The following BCAS1 variants were observed in gnomAD, a reference collection of about 807,000 sequenced individuals.
BCAS1 encodes the protein brain enriched myelin associated protein 1.
Under a neutral mutation model 65.4 loss-of-function variants are expected in BCAS1, and 46 were observed. That is an observed-to-expected ratio of 0.70 (90% CI 0.55 to 0.90). BCAS1 has a LOEUF of 0.90. Ranked by LOEUF, BCAS1 falls within the 40% of genes least tolerant of loss-of-function variation. BCAS1 has a pLI of 0.00. For synonymous variants in BCAS1, 298 were observed against 293.5 expected (o/e 1.02, Z -0.16); for missense variants, 793 against 771.2 (o/e 1.03, Z -0.33).
intron 1 of BCAS1, among the ~76,000 whole-genome samples, chr20:54,066,357 C>T (rs1361830746): frequency 1.3e-5 from 2 of 152,192 alleles, no homozygotes; most frequent in Admixed American, 6.5e-5. Context: ...CAGGCGTGAG[C>T]CACCGGGCCC....
At chr20:53,993,918 G>A (rs1004378773) in intron 6 of BCAS1, among the ~76,000 whole-genome samples, 2 of 152,120 alleles carry the variant, frequency 1.3e-5, no homozygotes, top group Non-Finnish European at 2.9e-5. Flanking sequence ...AATAGGGATC[G>A]CTACATTTAA....
chr20:53,991,047 C>T (rs2090745886), intron 7 of BCAS1, among the ~76,000 whole-genome samples: 1 of 152,182 alleles, frequency 6.6e-6, no homozygotes, highest in Non-Finnish European at 1.5e-5. Flanking sequence ...GCAAGAGATA[C>T]TGCAGACGTA....
At chr20:54,007,019 G>A (rs1268682967) in intron 4 of BCAS1, among the ~76,000 whole-genome samples, 3 of 152,198 alleles carry the variant, frequency 2.0e-5, no homozygotes, top group Non-Finnish European at 4.4e-5. Flanking sequence ...TGGGCTGCTG[G>A]CTACTTAGAC....
At chr20:54,047,107 G>A (rs1376699750) in intron 3 of BCAS1, among the ~76,000 whole-genome samples, 4 of 152,110 alleles carry the variant, frequency 2.6e-5, no homozygotes, top group African/African-American at 7.2e-5. Flanking sequence ...TGGAATATTT[G>A]GGAACTGGCT....
chr20:53,959,032 T>C (rs2089789555), intron 10 of BCAS1, among the ~76,000 whole-genome samples: 3 of 152,210 alleles, frequency 2.0e-5, no homozygotes, highest in East Asian at 1.9e-4. Flanking sequence ...CAAACTCAAA[T>C]GTGGATGTTT....
At chr20:54,002,892 T>C (rs1176194521) in intron 4 of BCAS1, among the ~76,000 whole-genome samples, 1 of 152,218 alleles carries the variant, frequency 6.6e-6, no homozygotes, top group Non-Finnish European at 1.5e-5. Context: ...CCCATCATAC[T>C]GAATCATAAT....
intron 9 of BCAS1, among the ~76,000 whole-genome samples, chr20:53,972,520 A>G (rs573898442): frequency 7.9e-5 from 12 of 152,264 alleles, no homozygotes; most frequent in Non-Finnish European, 1.6e-4. Flanking sequence ...TTGCCTAGCA[A>G]CAAAGCAGCC....
intron 1 of BCAS1, among the ~76,000 whole-genome samples, chr20:54,066,077 C>T (rs563987357): frequency 0.033 from 3,870 of 116,486 alleles, 104 homozygotes; most frequent in East Asian, 0.067. Context: ...TATTTTTTTT[C>T]TTTTTTTTTT....
chr20:53,979,277 A>G (rs948063993), intron 8 of BCAS1, among the ~76,000 whole-genome samples: 8 of 152,200 alleles, frequency 5.3e-5, no homozygotes, highest in East Asian at 3.9e-4. Flanking sequence ...ACCAGGAGCA[A>G]TAAGAACTCC....
intron 10 of BCAS1, among the ~76,000 whole-genome samples, chr20:53,960,469 TAAAAAAAAAAAAAA>T (rs11467629): frequency 1.6e-5 from 1 of 63,090 alleles, no homozygotes; most frequent in Non-Finnish European, 2.9e-5. Flanking sequence ...TTCAACTTCT[TAAAAAAAAAAAAAA>T]AAAAAAAAAA....
rs1349917406 is a variant in BCAS1 at position 54,038,071 on chromosome 20, G to A, written c.143-9099C>T. ...AAACAAAATCCAAACTCTCTACTAT[G>A]GGCCACACCCTCCAGAACTTCAGCT... On this transcript the variant is annotated intron_variant, in intron 3 of 12. Coordinates refer to ENST00000688948, the MANE Select transcript of BCAS1 (RefSeq NM_001366298.2). Among the ~76,000 whole-genome samples the A allele has an allele frequency of 1.3e-5, 2 of 151,296 alleles. 1 individual carries two copies. The highest frequency in any genetic ancestry group is 3.9e-4 in the East Asian group (2 of 5,184).
At chr20:54,051,374 C>T (rs1323775557) in intron 3 of BCAS1, among the ~76,000 whole-genome samples, 1 of 152,160 alleles carries the variant, frequency 6.6e-6, no homozygotes, top group African/African-American at 2.4e-5. Context: ...TTGAAGTTGT[C>T]TGATTCAATG....
intron 8 of BCAS1, among the ~76,000 whole-genome samples, chr20:53,984,453 C>T (rs2090561637): frequency 1.3e-5 from 2 of 152,166 alleles, no homozygotes; most frequent in Non-Finnish European, 2.9e-5. Flanking sequence ...TTCTGGACGA[C>T]GGAGTAAAGC....
chr20:54,040,418 G>A (rs2091969786), intron 3 of BCAS1, among the ~76,000 whole-genome samples: 1 of 151,116 alleles, frequency 6.6e-6, no homozygotes, highest in Admixed American at 6.6e-5. Context: ...TGTGGGGCAG[G>A]TTGAGTTCAG....
chr20:53,948,868 G>A (rs748451909), intron 12 of BCAS1, among the ~76,000 whole-genome samples: 2 of 152,104 alleles, frequency 1.3e-5, no homozygotes, highest in Admixed American at 6.5e-5. Context: ...TGTTGTCCCC[G>A]GCTCTCTTCT....
chr20:53,948,537 C>T (rs1228302585), intron 12 of BCAS1, among the ~76,000 whole-genome samples: 2 of 152,194 alleles, frequency 1.3e-5, no homozygotes, highest in Non-Finnish European at 2.9e-5. Flanking sequence ...ACCTGCCCTT[C>T]AGGTAGCCAC....
At chr20:54,058,589 A>G in intron 2 of BCAS1, 58 bp downstream of exon 2, 1 of 1,440,140 alleles carries the variant, frequency 6.9e-7, no homozygotes, top group Non-Finnish European at 9.3e-7. Context: ...AAATACAGGA[A>G]GTTCTTTTTT....
Position 54,067,867 on chromosome 20 carries a change from C to T in BCAS1, c.-6+2566G>A, listed in dbSNP as rs144819122. 9.4e-3 allele frequency among the ~76,000 whole-genome samples: 1,435 copies of T among 152,352 alleles called. 10 individuals are homozygous for T. The highest frequency in any genetic ancestry group is 0.019 in the South Asian group (90 of 4,832). On this transcript the variant is annotated intron_variant, in intron 1 of 12. Coordinates refer to ENST00000688948, the MANE Select transcript of BCAS1 (RefSeq NM_001366298.2). ...GGAATGTAGGTAACCCAGGGGCCCTCCTCACTGCTCAGCTGAGGGTGACGC... is the reference window on the plus strand; with the variant it reads ...GGAATGTAGGTAACCCAGGGGCCCTTCTCACTGCTCAGCTGAGGGTGACGC...
Position 53,992,458 on chromosome 20 carries a change from G to A in BCAS1, c.1062+54C>T, listed in dbSNP as rs1053829105. 1.5e-5 allele frequency: 20 copies of A among 1,350,746 alleles called. No individual in the cohort carries two copies. The Middle Eastern group carries it at 7.7e-4, about 52-fold the overall frequency. 83.7% of individuals were successfully genotyped at this position (1,350,746 alleles called of 1,614,324 possible). A position where few individuals can be genotyped will look rare whatever the true frequency, so the allele number is the denominator to read the frequency against. ...GCTGGGTGGGCTCAGGATGGCACATGTCTTGTGAAGACCAGAGTTCTTGTT... is the reference window on the plus strand; with the variant it reads ...GCTGGGTGGGCTCAGGATGGCACATATCTTGTGAAGACCAGAGTTCTTGTT... On this transcript the variant is annotated intron_variant, in intron 7 of 12. Transcript: ENST00000688948.
Sources: allele counts gnomAD v4.1 joint callset (sites outside exome capture counted in the v4.1 genomes callset), GRCh38; gene constraint gnomAD v4.1.1; transcripts MANE v1.5; gene names NCBI Gene and HGNC (gene_info 2026-07-23, HGNC 2026-07-21).